The following LRP1B variants were observed in gnomAD, a reference collection of about 807,000 sequenced individuals.
The protein encoded by LRP1B is LDL receptor related protein 1B.
LRP1B carries 217 observed loss-of-function variants against 556.6 expected under a neutral mutation model. The ratio of observed to expected loss-of-function variants is 0.39; its 90% confidence interval spans 0.35 to 0.44. LRP1B has a LOEUF of 0.44. Ranked by LOEUF, LRP1B falls within the 20% of genes least tolerant of loss-of-function variation. The pLI is 1.00. For synonymous variants in LRP1B, 2,047 were observed against 1,865.8 expected (o/e 1.10, Z -2.50); for missense variants, 5,053 against 5,620.8 (o/e 0.90, Z 3.23).
At chr2:140,940,919 C>A (rs1172147613) in intron 20 of LRP1B, among the ~76,000 whole-genome samples, 1 of 152,138 alleles carries the variant, frequency 6.6e-6, no homozygotes, top group African/African-American at 2.4e-5. Context: ...TCTCCATAGC[C>A]TTGCTAGCAT....
In LRP1B at chr2:141,758,004, T is replaced by A. The variant is rs568889711; in HGVS notation, c.205+52275A>T. Among the ~76,000 whole-genome samples, 63 of 152,296 alleles carry A rather than the reference T, an allele frequency of 4.1e-4. 1 individual carries two copies. The South Asian group carries it at 0.013, about 31-fold the overall frequency. On this transcript the variant is annotated intron_variant, in intron 2 of 90. Coordinates refer to ENST00000389484, the MANE Select transcript of LRP1B (RefSeq NM_018557.3). ...AAATTTTGAGGTGGACTTAACCTTGTCTAGAACCAGAAAACAGACAAAACA... is the reference window on the plus strand; with the variant it reads ...AAATTTTGAGGTGGACTTAACCTTGACTAGAACCAGAAAACAGACAAAACA...
chr2:141,952,096 C>T (rs541654538), intron 1 of LRP1B, among the ~76,000 whole-genome samples: 28 of 149,296 alleles, frequency 1.9e-4, no homozygotes, highest in Admixed American at 2.7e-4. Flanking sequence ...TGAGAACATG[C>T]GGTGTTTGGT....
chr2:140,401,023 G>C (rs920186309), intron 66 of LRP1B, among the ~76,000 whole-genome samples: 7 of 152,160 alleles, frequency 4.6e-5, no homozygotes, highest in African/African-American at 1.7e-4. Context: ...GATCTCACAG[G>C]GAACTTCAAG....
chr2:141,228,343 C>T (rs1683323812), intron 6 of LRP1B, among the ~76,000 whole-genome samples: 1 of 152,224 alleles, frequency 6.6e-6, no homozygotes, highest in South Asian at 2.1e-4. Flanking sequence ...TTTTTGTACT[C>T]CCATGTGGAA....
intron 1 of LRP1B, among the ~76,000 whole-genome samples, chr2:141,972,840 G>A (rs903564389): frequency 2.0e-5 from 3 of 151,616 alleles, no homozygotes; most frequent in African/African-American, 7.3e-5. Flanking sequence ...ATTGAAATCT[G>A]ATAGAAATAA....
intron 3 of LRP1B, among the ~76,000 whole-genome samples, chr2:141,368,174 A>G (rs1689110981): frequency 6.6e-6 from 1 of 152,212 alleles, no homozygotes. Context: ...AATTCAGTGG[A>G]GAAGTCAGTT....
At chr2:141,708,694 A>G (rs1348099057) in intron 2 of LRP1B, among the ~76,000 whole-genome samples, 1 of 152,188 alleles carries the variant, frequency 6.6e-6, no homozygotes, top group East Asian at 1.9e-4. Context: ...ATGCATCAGA[A>G]TGTAACTGTT....
intron 6 of LRP1B, among the ~76,000 whole-genome samples, chr2:141,222,265 A>G (rs1170959279): frequency 6.6e-6 from 1 of 152,220 alleles, no homozygotes; most frequent in Admixed American, 6.5e-5. Flanking sequence ...CAACACCTCT[A>G]TGCAATAAAC....
At chr2:141,953,783 CCATT>C (rs967455932) in intron 1 of LRP1B, among the ~76,000 whole-genome samples, 1 of 152,022 alleles carries the variant, frequency 6.6e-6, no homozygotes, top group African/African-American at 2.4e-5. Flanking sequence ...CTTATATATG[CCATT>C]CATTCATTCA....
chr2:141,805,268 C>A (rs1357403909), intron 2 of LRP1B: 5 of 152,024 alleles, frequency 3.3e-5, no homozygotes, highest in Non-Finnish European at 5.9e-5. Context: ...GGATATGGGA[C>A]TGAGTAAGGA....
rs1453768342 is a variant in LRP1B at position 140,582,707 on chromosome 2, G to A, written c.7194+15924C>T. Among the ~76,000 whole-genome samples, 18 of 152,152 alleles carry A rather than the reference G, an allele frequency of 1.2e-4. 1 individual carries two copies. Among genetic ancestry groups the A allele is most frequent in the Admixed American group, 1.2e-3 (18 of 15,282 alleles). On this transcript the variant is annotated intron_variant, in intron 43 of 90. Coordinates refer to ENST00000389484, the MANE Select transcript of LRP1B (RefSeq NM_018557.3). ...TTCACCAGACACCAGGCCTGCTGGT[G>A]CCTTGATCTTTCACTTCTCAGCCTC...
chr2:140,892,932 A>G (rs1339820025), intron 23 of LRP1B, among the ~76,000 whole-genome samples: 2 of 152,198 alleles, frequency 1.3e-5, no homozygotes, highest in Non-Finnish European at 2.9e-5. Flanking sequence ...TTAAAAATGT[A>G]TGCAAAGAAA....
chr2:140,776,213 T>C lies in LRP1B; in HGVS notation c.5385A>G (p.Gln1795=). 1.9e-6 allele frequency: 3 copies of C among 1,602,932 alleles called. No homozygotes were observed. Among genetic ancestry groups the C allele is most frequent in the South Asian group, 1.1e-5 (1 of 90,014 alleles). Residue 1795 remains glutamine (Q), a synonymous_variant, in exon 33 of 91, where the codon CAA becomes CAG. Transcript: ENST00000389484. ...TGCAGGTTCCTAGCTGGGCTAAGTT[T>C]TGGTCTGCCCACCACAGTTTCTTAT... The part of the protein sequence containing the change: ...IMDKKLWWAD[Q]NLAQLGTCSK...
intron 2 of LRP1B, among the ~76,000 whole-genome samples, chr2:141,793,376 A>G (rs1553465051): frequency 6.6e-6 from 1 of 151,986 alleles, no homozygotes; most frequent in Non-Finnish European, 1.5e-5. Context: ...CTACTTAAAC[A>G]CATTGAACAC....
At chr2:141,226,921 G>A (rs1471773080) in intron 6 of LRP1B, among the ~76,000 whole-genome samples, 2 of 152,016 alleles carry the variant, frequency 1.3e-5, no homozygotes, top group Non-Finnish European at 2.9e-5. Flanking sequence ...CTATGTAATT[G>A]CATGCTTAAA....
chr2:142,109,949 G>A (rs1367980370), intron 1 of LRP1B, among the ~76,000 whole-genome samples: 1 of 152,112 alleles, frequency 6.6e-6, no homozygotes, highest in Non-Finnish European at 1.5e-5. Flanking sequence ...ACATTTAAAA[G>A]TGATGCTTGG....
chr2:141,061,702 T>G (rs1013697640), intron 8 of LRP1B, among the ~76,000 whole-genome samples: 4 of 151,866 alleles, frequency 2.6e-5, no homozygotes, highest in African/African-American at 9.7e-5. Context: ...CAGCTCCTCA[T>G]GAATGAACTA....
chr2:141,967,496 A>T (rs116046081), intron 1 of LRP1B, among the ~76,000 whole-genome samples: 1,602 of 151,982 alleles, frequency 0.011, 12 homozygotes, highest in Non-Finnish European at 0.019. Flanking sequence ...TTTCTTATCG[A>T]AGTGCTAGAT....
chr2:141,524,196 G>A (rs1041909291), intron 2 of LRP1B, among the ~76,000 whole-genome samples: 1 of 151,712 alleles, frequency 6.6e-6, no homozygotes, highest in Non-Finnish European at 1.5e-5. Flanking sequence ...CTCAAAGCCT[G>A]TGCACAGTGG....
Sources: allele counts gnomAD v4.1 joint callset (sites outside exome capture counted in the v4.1 genomes callset), GRCh38; gene constraint gnomAD v4.1.1; transcripts MANE v1.5; gene names NCBI Gene and HGNC (gene_info 2026-07-23, HGNC 2026-07-21).